The following B4GALT5 variants were observed in gnomAD, a reference collection of about 807,000 sequenced individuals.
B4GALT5 encodes the protein beta-1,4-galactosyltransferase 5, also known as UDP-Gal:beta-GlcNAc beta-1,4-galactosyltransferase 5.
Under a neutral mutation model 45.0 loss-of-function variants are expected in B4GALT5, and 11 were observed. That is an observed-to-expected ratio of 0.24 (90% CI 0.15 to 0.40). The LOEUF (loss-of-function observed/expected upper bound fraction) is 0.40, where lower values mean the gene tolerates loss of function less well. Among genes scored for constraint, B4GALT5 ranks in the 10% least tolerant of loss-of-function variants. The pLI is 1.00. For missense variants in B4GALT5, 337 were observed against 500.2 expected, an observed-to-expected ratio of 0.67 and a Z score of 3.11; for synonymous variants, 185 against 182.9, an observed-to-expected ratio of 1.01 and a Z score of -0.09.
At chr20:49,650,758 C>A (rs550183860) in intron 2 of B4GALT5, among the ~76,000 whole-genome samples, 3 of 152,208 alleles carry the variant, frequency 2.0e-5, no homozygotes, top group African/African-American at 7.2e-5. Flanking sequence ...CGTGAGGAGC[C>A]CTTGTTTTTC....
chr20:49,712,022 T>C (rs922232030), intron 1 of B4GALT5, among the ~76,000 whole-genome samples: 1 of 152,166 alleles, frequency 6.6e-6, no homozygotes, highest in Non-Finnish European at 1.5e-5. Context: ...CAGAATTTAC[T>C]CTCCCTGCCC....
At chr20:49,675,583 T>C (rs1182201297) in intron 1 of B4GALT5, among the ~76,000 whole-genome samples, 1 of 152,046 alleles carries the variant, frequency 6.6e-6, no homozygotes, top group Non-Finnish European at 1.5e-5. Context: ...CCAGAACCTA[T>C]TATGAGCAAT....
chr20:49,643,549 A>G lies in B4GALT5; in HGVS notation c.466T>C (p.Ser156Pro). ...ACCTTCCACCGAGGCATGCAATCAG[A>G]AGGCTTCCAGTGACCTCCGAGCTTG... is the stretch of plus-strand genomic sequence containing the variant. ...TIKLGGHWKPSDCMPRWKVAI... is the reference protein window; with the variant it reads ...TIKLGGHWKPPDCMPRWKVAI... Residue 156 changes from serine to proline, a missense_variant, in exon 4 of 9, where the codon TCT (serine) becomes CCT (proline). Ser to Pro is a moderately conservative substitution (Grantham distance 74). Around this residue, in one of 2 missense-constraint regions of B4GALT5, gnomAD observed 174 missense variants for 207.4 expected, o/e 0.84. Transcript: ENST00000371711. The G allele has an allele frequency of 6.2e-7, 1 of 1,613,974 alleles. No individual in the cohort carries two copies. The highest frequency in any genetic ancestry group is 8.5e-7 in the Non-Finnish European group (1 of 1,179,952).
At chr20:49,704,544 C>T (rs1341128388) in intron 1 of B4GALT5, among the ~76,000 whole-genome samples, 2 of 151,512 alleles carry the variant, frequency 1.3e-5, no homozygotes, top group African/African-American at 4.9e-5. Flanking sequence ...ACGGTGAAAC[C>T]CCGTCTCTAC....
intron 1 of B4GALT5, among the ~76,000 whole-genome samples, chr20:49,704,679 A>G (rs1357210459): frequency 6.6e-6 from 1 of 151,014 alleles, no homozygotes; most frequent in African/African-American, 2.4e-5. Context: ...AGATCCCGCC[A>G]CTGCACTCCA....
At chr20:49,671,978 C>T (rs779654203) in intron 1 of B4GALT5, among the ~76,000 whole-genome samples, 12 of 152,126 alleles carry the variant, frequency 7.9e-5, no homozygotes, top group Non-Finnish European at 1.6e-4. Context: ...TTCCCCTAAT[C>T]TCAAACTGTT....
chr20:49,696,788 CAA>C (rs2085841244), intron 1 of B4GALT5, among the ~76,000 whole-genome samples: 1 of 152,110 alleles, frequency 6.6e-6, no homozygotes, highest in Non-Finnish European at 1.5e-5. Context: ...AAATATTGTT[CAA>C]CAGAACAAAG....
intron 2 of B4GALT5, among the ~76,000 whole-genome samples, chr20:49,654,835 G>A (rs1219315619): frequency 6.6e-6 from 1 of 152,154 alleles, no homozygotes; most frequent in Non-Finnish European, 1.5e-5. Flanking sequence ...GGCTGGGTAT[G>A]GTGGCTCATG....
intron 1 of B4GALT5, among the ~76,000 whole-genome samples, chr20:49,704,801 A>AT (rs2085877735): frequency 6.6e-6 from 1 of 151,910 alleles, no homozygotes; most frequent in Non-Finnish European, 1.5e-5. Flanking sequence ...ATACTCCACA[A>AT]TATTTTTCAT....
At position 49,633,371 on chromosome 20, in the gene B4GALT5, G is replaced by A. The variant is rs1428579173; in HGVS notation, c.*2941C>T. ...CACAGCAATCAAAGACAAGATTAAG[G>A]GGCCACCCATCAGTAGCCTTGAAGA... is the stretch of plus-strand genomic sequence containing the variant. On this transcript the variant is annotated 3_prime_UTR_variant, in exon 9 of 9. Coordinates refer to ENST00000371711, the MANE Select transcript of B4GALT5 (RefSeq NM_004776.4). The A allele has an allele frequency of 3.0e-5, 4 of 134,734 alleles. No homozygotes were observed. The allele number at this position is 134,734 out of a possible 1,614,324, so 8.3% of individuals were successfully genotyped here.
At chr20:49,663,397 T>G (rs1389406949) in intron 1 of B4GALT5, among the ~76,000 whole-genome samples, 3 of 151,770 alleles carry the variant, frequency 2.0e-5, no homozygotes, top group African/African-American at 7.3e-5. Flanking sequence ...CAAGACATAT[T>G]ATGCTACTTA....
At chr20:49,686,869 A>G (rs2085788036) in intron 1 of B4GALT5, among the ~76,000 whole-genome samples, 1 of 151,948 alleles carries the variant, frequency 6.6e-6, no homozygotes, top group Non-Finnish European at 1.5e-5. Flanking sequence ...TCTATACTCC[A>G]GCCTGGGTGA....
intron 1 of B4GALT5, among the ~76,000 whole-genome samples, chr20:49,666,598 G>C (rs1181226687): frequency 6.6e-6 from 1 of 152,152 alleles, no homozygotes; most frequent in African/African-American, 2.4e-5. Flanking sequence ...AGCAGAAAAT[G>C]AATAAATAGA....
intron 1 of B4GALT5, among the ~76,000 whole-genome samples, chr20:49,703,730 A>AAAAAAAAATAAAT (rs1555814915): frequency 6.9e-6 from 1 of 144,550 alleles, no homozygotes; most frequent in Non-Finnish European, 1.5e-5. Context: ...TTCTACTAAA[A>AAAAAAAAATAAAT]AAAAAAAAAA....
intron 1 of B4GALT5, among the ~76,000 whole-genome samples, chr20:49,712,316 C>T (rs1444660481): frequency 3.9e-5 from 6 of 152,210 alleles, no homozygotes; most frequent in Non-Finnish European, 8.8e-5. Context: ...GGCTTAGTAA[C>T]CTGCCCAAGG....
In B4GALT5 at chr20:49,644,493, C is replaced by A. The variant is rs566275025; in HGVS notation, c.365-843G>T. On this transcript the variant is annotated intron_variant, in intron 3 of 8. Transcript: ENST00000371711. ...ACACTACCTCTCTCAATCCATTCAC[C>A]AGTGGGTCAGGACCCTGAGTGATTA... Among the ~76,000 whole-genome samples, 11 of 152,348 alleles carry A rather than the reference C, an allele frequency of 7.2e-5. No individual in the cohort carries two copies. The South Asian group carries it at 2.3e-3, about 32-fold the overall frequency.
At position 49,633,774 on chromosome 20, in the gene B4GALT5, C is replaced by T. The variant is rs1984437791; in HGVS notation, c.*2538G>A. 1 of 152,556 alleles carries T rather than the reference C, an allele frequency of 6.6e-6. No homozygotes were observed. The highest frequency in any genetic ancestry group is 1.5e-5 in the Non-Finnish European group (1 of 68,052). 9.5% of individuals were successfully genotyped at this position (152,556 alleles called of 1,614,324 possible). On this transcript the variant is annotated 3_prime_UTR_variant, in exon 9 of 9. Transcript: ENST00000371711. The stretch of plus-strand genomic sequence containing the variant: ...TCGCCTGACAACACTGCCGCATACA[C>T]ATACGGCACCCAGGACTCAGAATCA...
At chr20:49,675,802 A>G (rs1320604560) in intron 1 of B4GALT5, among the ~76,000 whole-genome samples, 2 of 152,200 alleles carry the variant, frequency 1.3e-5, no homozygotes, top group Non-Finnish European at 2.9e-5. Flanking sequence ...AACTGTCAGT[A>G]GCCAACTGTC....
chr20:49,712,884 G>A (rs1388472697), intron 1 of B4GALT5, among the ~76,000 whole-genome samples: 1 of 147,958 alleles, frequency 6.8e-6, no homozygotes. Context: ...CAGGGGATTA[G>A]CAGGAGATTG....
Sources: gnomAD v4.1 joint callset for allele counts (sites outside exome capture counted in the v4.1 genomes callset) on GRCh38, gnomAD v4.1.1 for gene constraint, gnomAD v4.1.1 regional missense constraint, MANE v1.5 for transcripts, NCBI Gene and HGNC (gene_info 2026-07-23, HGNC 2026-07-21) for gene names.